The following PPAT variants were observed in gnomAD, a reference collection of about 807,000 sequenced individuals.
PPAT encodes phosphoribosyl pyrophosphate amidotransferase.
In PPAT, 20 loss-of-function variants were observed where a neutral mutation model predicts 60.2. The observed-to-expected ratio is 0.33, with a 90% CI of 0.23 to 0.48. The LOEUF (loss-of-function observed/expected upper bound fraction) is 0.48. PPAT is among the 20% of genes least tolerant of loss of function. The pLI is 0.99. For synonymous variants in PPAT, 194 were observed against 215.1 expected, an observed-to-expected ratio of 0.90 and a Z score of 0.86; for missense variants, 349 against 629.6, an observed-to-expected ratio of 0.55 and a Z score of 4.77.
At chr4:56,423,858 G>T (rs1717160458) in intron 1 of PPAT, among the ~76,000 whole-genome samples, 1 of 152,012 alleles carries the variant, frequency 6.6e-6, no homozygotes, top group Non-Finnish European at 1.5e-5. Context: ...AAACAGGCAA[G>T]GATTTTAGGT....
Position 56,406,651 on chromosome 4 carries a change from T to C in PPAT, c.246A>G (p.Leu82=), listed in dbSNP as rs200923724. 6.8e-6 allele frequency: 11 copies of C among 1,613,256 alleles called. No homozygotes were observed. The highest frequency in any genetic ancestry group is 1.3e-5 in the African/African-American group (1 of 75,026). ...HVFTEDNLKK[L]YVSNLGIGHT... is the part of the protein sequence containing the mutation. ...GTCCAATTCCAAGATTTGAAACATA[T>C]AATTTTTTCAAATTGTCTTCAGTAA... The change falls in exon 3 of 11, where the codon TTA becomes TTG. Residue 82 remains leucine, a synonymous_variant. Coordinates refer to ENST00000264220, the MANE Select transcript of PPAT (RefSeq NM_002703.5).
chr4:56,424,411 C>T (rs1042130625), intron 1 of PPAT, among the ~76,000 whole-genome samples: 3 of 152,118 alleles, frequency 2.0e-5, no homozygotes, highest in Non-Finnish European at 4.4e-5. Flanking sequence ...CTCAGACCAG[C>T]AGAGGACTGA....
intron 1 of PPAT, among the ~76,000 whole-genome samples, chr4:56,430,025 C>T (rs1450106283): frequency 6.6e-6 from 1 of 152,098 alleles, no homozygotes; most frequent in Non-Finnish European, 1.5e-5. Context: ...GCCTTGGAGG[C>T]CAAGGCAGGA....
At chr4:56,422,093 A>C (rs1198383230) in intron 1 of PPAT, 1 of 152,214 alleles carries the variant, frequency 6.6e-6, no homozygotes, top group Non-Finnish European at 1.5e-5. Flanking sequence ...AACATGGTGA[A>C]ACCCCATCTC....
In PPAT at chr4:56,429,983, G is replaced by T. The variant is rs1388152374; in HGVS notation, c.128+5367C>A. ...TTGTAAAAATATACATCCCAGCCAG[G>T]TGCAGTGGCTCAGGTCTATAATTCC... On this transcript the variant is annotated intron_variant, in intron 1 of 10. Coordinates refer to ENST00000264220, the MANE Select transcript of PPAT (RefSeq NM_002703.5). Among the ~76,000 whole-genome samples, 3 of 152,190 alleles carry T rather than the reference G, an allele frequency of 2.0e-5. No individual in the cohort carries two copies. The East Asian group carries it at 5.8e-4, about 29-fold the overall frequency.
At chr4:56,413,715 G>A (rs1276775473) in intron 1 of PPAT, among the ~76,000 whole-genome samples, 1 of 151,784 alleles carries the variant, frequency 6.6e-6, no homozygotes, top group Non-Finnish European at 1.5e-5. Flanking sequence ...GACCAACATG[G>A]TGAAACCCCG....
chr4:56,417,579 G>A (rs984521967), intron 1 of PPAT, among the ~76,000 whole-genome samples: 2 of 152,038 alleles, frequency 1.3e-5, no homozygotes, highest in African/African-American at 2.4e-5. Context: ...CCAGGAGTTC[G>A]AGACTAGCCT....
intron 3 of PPAT, among the ~76,000 whole-genome samples, chr4:56,405,846 A>G (rs904515819): frequency 2.0e-5 from 3 of 152,232 alleles, no homozygotes; most frequent in Non-Finnish European, 4.4e-5. Flanking sequence ...AACCAAAGGT[A>G]GTGCTAGGGC....
In PPAT at chr4:56,401,454, T is replaced by C; in HGVS notation, c.762A>G (p.Glu254=). The change falls in exon 7 of 11, where the codon GAA becomes GAG. Residue 254 remains glutamate (E), a synonymous_variant. Transcript: ENST00000264220. ...ARYYREVLPG[E]IVEISRHNVQ... is the part of the protein sequence containing the mutation. ...CATTGTGTCTGGATATTTCCACAAT[T>C]TCTCCAGGCAAGACTTCACGGTAAT... 2 of 1,604,492 alleles carry C rather than the reference T, an allele frequency of 1.2e-6. No individual in the cohort carries two copies. Among genetic ancestry groups the C allele is most frequent in the Non-Finnish European group, 1.7e-6 (2 of 1,174,558 alleles).
intron 1 of PPAT, among the ~76,000 whole-genome samples, chr4:56,409,850 A>G (rs553539693): frequency 6.1e-4 from 93 of 152,348 alleles, no homozygotes; most frequent in African/African-American, 2.1e-3. Context: ...TTTCAAAATT[A>G]TATATTGCAA....
intron 1 of PPAT, chr4:56,421,635 G>C (rs753420805): frequency 6.6e-6 from 1 of 152,220 alleles, no homozygotes; most frequent in Non-Finnish European, 1.5e-5. Context: ...GGGAAGAGAG[G>C]GGAACCACAG....
chr4:56,406,090 T>C (rs1716233746), intron 3 of PPAT, among the ~76,000 whole-genome samples: 2 of 152,172 alleles, frequency 1.3e-5, no homozygotes, highest in Admixed American at 1.3e-4. Flanking sequence ...ACCCCCCTAT[T>C]TGGTGACAGA....
At chr4:56,395,657 C>T in intron 10 of PPAT, 109 bp from the exon 11 acceptor site, 2 of 644,110 alleles carry the variant, frequency 3.1e-6, no homozygotes, top group Non-Finnish European at 4.4e-6. Context: ...GGATAAATTT[C>T]TCCTTTAGCC....
Position 56,403,074 on chromosome 4 carries a change from A to G in PPAT, c.627T>C (p.Gly209=). 1 of 1,611,488 alleles carries G rather than the reference A, an allele frequency of 6.2e-7. No individual in the cohort carries two copies. Among genetic ancestry groups the G allele is most frequent in the African/African-American group, 1.3e-5 (1 of 74,906 alleles). The change falls in exon 5 of 11, where the codon GGT becomes GGC. Residue 209 remains glycine (G), a synonymous_variant. Transcript: ENST00000264220. The stretch of plus-strand genomic sequence containing the variant: ...TTATATCAGACACTGGAATAAGACG[A>G]CCAATGCATAAGGGACGATTTCCAT... ...DPYGNRPLCI[G]RLIPVSDIND...
rs1397249290 is a variant in PPAT, at chr4:56,396,252, A to G, written c.1357+367T>C. ...CTCATTATTGAATATGAACCTACAC[A>G]AACTTTTTACCTTGTGATTTGTATC... On this transcript the variant is annotated intron_variant, in intron 10 of 10. Transcript: ENST00000264220. The surrounding 1 kb of genome is among the most constrained non-coding windows in gnomAD (Gnocchi z 4.6). 2 of 158,354 alleles carry G rather than the reference A, an allele frequency of 1.3e-5. No individual in the cohort carries two copies. Among genetic ancestry groups the G allele is most frequent in the African/African-American group, 4.8e-5 (2 of 41,566 alleles). The allele number at this position is 158,354 out of a possible 1,614,324, so 9.8% of individuals were successfully genotyped here.
chr4:56,411,796 TATAATA>T (rs757150795), intron 1 of PPAT, among the ~76,000 whole-genome samples: 24 of 152,116 alleles, frequency 1.6e-4, no homozygotes, highest in Admixed American at 5.2e-4. Flanking sequence ...CAGTAAATAG[TATAATA>T]AAAGTACCAA....
intron 8 of PPAT, 166 bp downstream of exon 8, chr4:56,400,618 T>C: frequency 1.4e-6 from 1 of 709,520 alleles, no homozygotes; most frequent in African/African-American, 1.8e-5. Flanking sequence ...AATAGTGCCA[T>C]TGGATAAAAA....
chr4:56,400,970 T>A, intron 7 of PPAT, 59 bp from the exon 8 acceptor site: 2 of 1,504,370 alleles, frequency 1.3e-6, no homozygotes, highest in Middle Eastern at 1.7e-4. Context: ...AACAGTGTTA[T>A]TCTAAAAAAC....
chr4:56,411,406 T>G (rs984705958), intron 1 of PPAT, among the ~76,000 whole-genome samples: 1 of 152,294 alleles, frequency 6.6e-6, no homozygotes, highest in African/African-American at 2.4e-5. Flanking sequence ...CAAGAACAGC[T>G]CCATTTTAAC....
Sources: allele counts gnomAD v4.1 joint callset (sites outside exome capture counted in the v4.1 genomes callset), GRCh38; gene constraint gnomAD v4.1.1; non-coding constraint Gnocchi (gnomAD v3.1); transcripts MANE v1.5; gene names NCBI Gene and HGNC (gene_info 2026-07-23, HGNC 2026-07-21).